LRP5: variants seen among roughly 807,000 people sequenced by gnomAD.
LRP5 encodes LDL receptor related protein 5, also known as low-density lipoprotein receptor-related protein 5.
A neutral mutation model predicts 154.1 loss-of-function variants in LRP5; 62 were observed. That is an observed-to-expected ratio of 0.40 (90% confidence interval 0.33 to 0.50). The LOEUF (loss-of-function observed/expected upper bound fraction) is 0.50, where lower values mean the gene tolerates loss of function less well. Ranked by LOEUF, LRP5 falls within the 20% of genes least tolerant of loss-of-function variation. LRP5 has a pLI of 0.55. For missense variants in LRP5, 1,915 were observed against 2,336.7 expected (o/e 0.82, Z 3.72); for synonymous variants, 966 against 1,011.5 (o/e 0.96, Z 0.85).
At chr11:68,441,524 A>T (rs576918238) in intron 21 of LRP5, among the ~76,000 whole-genome samples, 2 of 152,292 alleles carry the variant, frequency 1.3e-5, no homozygotes, top group South Asian at 4.1e-4. Flanking sequence ...GGGAACTGGT[A>T]ACCAGAAGCC....
intron 5 of LRP5, among the ~76,000 whole-genome samples, chr11:68,377,418 C>T (rs1041893670): frequency 6.6e-6 from 1 of 152,120 alleles, no homozygotes; most frequent in African/African-American, 2.4e-5. Flanking sequence ...AGGTCCCAGG[C>T]ACCGTGCAGG....
rs1162560935 is a variant in LRP5, at chr11:68,353,860, G to A, written c.489-3790G>A. ...GGGGCCCCTCCTGAGACTCGACTTC[G>A]TTGCAGTTTCAGCAATGCAGGTGGC... On this transcript the variant is annotated intron_variant, in intron 2 of 22. Transcript: ENST00000294304. This position sits in a 1 kb window ranked among gnomAD's most constrained non-coding sequence, Gnocchi z 4.5. 3.3e-5 allele frequency among the ~76,000 whole-genome samples: 5 copies of A among 152,316 alleles called. No homozygotes were observed. The South Asian group carries it at 6.2e-4, about 19-fold the overall frequency.
intron 9 of LRP5, among the ~76,000 whole-genome samples, chr11:68,409,073 A>AAAAAATATATATATATATATATATATAT (rs2098657548): frequency 6.8e-5 from 3 of 44,180 alleles, no homozygotes; most frequent in Non-Finnish European, 1.1e-4. Flanking sequence ...AAAAAAAAAA[A>AAAAAATATATATATATATATATATATAT]ATATATATAT....
intron 1 of LRP5, among the ~76,000 whole-genome samples, chr11:68,323,421 A>G (rs555423285): frequency 2.0e-5 from 3 of 146,676 alleles, no homozygotes; most frequent in Non-Finnish European, 4.5e-5. Flanking sequence ...TGCTTTTTAA[A>G]TTTATTTTGA....
At chr11:68,398,835 A>G (rs2098651030) in intron 7 of LRP5, among the ~76,000 whole-genome samples, 1 of 152,072 alleles carries the variant, frequency 6.6e-6, no homozygotes, top group African/African-American at 2.4e-5. Flanking sequence ...CCCAGGCTCA[A>G]GCGATCCTCC....
intron 15 of LRP5, 98 bp downstream of exon 15, chr11:68,425,390 G>A: frequency 7.8e-7 from 1 of 1,278,228 alleles, no homozygotes; most frequent in Non-Finnish European, 1.1e-6. Flanking sequence ...CGTGAGCCCA[G>A]TGCCGCGCCA....
At chr11:68,431,636 G>A (rs919447833) in intron 17 of LRP5, among the ~76,000 whole-genome samples, 4 of 152,184 alleles carry the variant, frequency 2.6e-5, no homozygotes, top group African/African-American at 9.7e-5. Context: ...CTCACACCTC[G>A]AGTTTGGCCG....
At chr11:68,301,509 G>A in the LRP5 span, among the ~76,000 whole-genome samples, 3 of 149,134 alleles carry the variant, frequency 2.0e-5, no homozygotes, top group Non-Finnish European at 4.5e-5. Flanking sequence ...TAAATGTGAT[G>A]TTGCCAACAG....
intron 1 of LRP5, among the ~76,000 whole-genome samples, chr11:68,341,780 A>G (rs2098609297): frequency 6.7e-6 from 1 of 150,210 alleles, no homozygotes. Context: ...CTCATGTAGC[A>G]TGCAGCCCCC....
At chr11:68,424,279 G>A (rs1322637857) in intron 14 of LRP5, among the ~76,000 whole-genome samples, 2 of 152,246 alleles carry the variant, frequency 1.3e-5, no homozygotes, top group African/African-American at 4.8e-5. Context: ...TGGGGGGCTG[G>A]CATGAAGACG....
Position 68,413,748 on chromosome 11 carries a change from A to T in LRP5, c.2563A>T (p.Ser855Cys). 6.2e-7 allele frequency: 1 copy of T among 1,613,836 alleles called. No homozygotes were observed. The highest frequency in any genetic ancestry group is 8.5e-7 in the Non-Finnish European group (1 of 1,179,976). Reference sequence around the variant, plus strand: ...GCACCCGTTCGGTCTGACGCAGTACAGCGATTATATCTACTGGACAGACTG... The same window carrying T: ...GCACCCGTTCGGTCTGACGCAGTACTGCGATTATATCTACTGGACAGACTG... ...LPHPFGLTQY[S>C]DYIYWTDWNL... The change falls in exon 12 of 23, where the codon AGC becomes TGC. Residue 855 changes from serine to cysteine, a missense_variant. Physicochemically the swap from Ser to Cys is moderately radical, Grantham distance 112 (BLOSUM62 -1). Transcript: ENST00000294304. This position sits in a 1 kb window ranked among gnomAD's most constrained non-coding sequence, Gnocchi z 5.1.
chr11:68,431,403 C>A (rs1451273471), intron 17 of LRP5, among the ~76,000 whole-genome samples: 1 of 151,968 alleles, frequency 6.6e-6, no homozygotes, highest in Non-Finnish European at 1.5e-5. Context: ...CCACGCCCGG[C>A]TAATTTTTGT....
chr11:68,405,077 G>A (rs2098654829), intron 8 of LRP5, among the ~76,000 whole-genome samples: 1 of 151,622 alleles, frequency 6.6e-6, no homozygotes, highest in Non-Finnish European at 1.5e-5. Context: ...AGAATTGCTT[G>A]AACCCAGGAG....
At chr11:68,396,161 G>T (rs1176648206) in intron 7 of LRP5, among the ~76,000 whole-genome samples, 1 of 152,172 alleles carries the variant, frequency 6.6e-6, no homozygotes, top group Non-Finnish European at 1.5e-5. Flanking sequence ...ACGGCTCCTT[G>T]AGGATGCAGT....
rs756560110 is a variant in LRP5, at chr11:68,433,655, T to C, written c.3817T>C (p.Cys1273Arg). ...TGCATGTGCCACAGGGGAGATCGAC[T>C]GTATCCCCGGGGCCTGGCGCTGTGA... ...QFACATGEID[C>R]IPGAWRCDGF... is the part of the protein sequence containing the mutation. Residue 1273 changes from cysteine (C) to arginine (R), a missense_variant, in exon 18 of 23, where the codon TGT becomes CGT. Around this residue, in one of 3 missense-constraint regions of LRP5, gnomAD observed 1,094 missense variants for 1,210.1 expected, o/e 0.90. Transcript: ENST00000294304. 1.2e-6 allele frequency: 2 copies of C among 1,613,506 alleles called. No individual in the cohort carries two copies.
intron 13 of LRP5, among the ~76,000 whole-genome samples, chr11:68,417,729 G>A (rs1051623709): frequency 3.9e-5 from 6 of 152,012 alleles, no homozygotes; most frequent in African/African-American, 1.4e-4. Flanking sequence ...GAGGTCAGGG[G>A]TTCGAGACCA....
Position 68,351,289 on chromosome 11 carries a change from CCCT to C in LRP5, c.488+3047_488+3049del, listed in dbSNP as rs1226509348. 6.6e-5 allele frequency among the ~76,000 whole-genome samples: 10 copies of C among 152,192 alleles called. No homozygotes were observed. The East Asian group carries it at 1.9e-3, about 30-fold the overall frequency. ...GCTGCCCTCCGAGTGGGCTAGCCAC[CCCT>C]GCAGCTGCCGGGGAGCCAGCTGACC... On this transcript the variant is annotated intron_variant, in intron 2 of 22. Coordinates refer to ENST00000294304, the MANE Select transcript of LRP5 (RefSeq NM_002335.4).
intron 2 of LRP5, among the ~76,000 whole-genome samples, chr11:68,355,268 G>A (rs2098622269): frequency 6.6e-6 from 1 of 152,202 alleles, no homozygotes; most frequent in African/African-American, 2.4e-5. Context: ...TCACTCTCAT[G>A]CCTGGCTTGG....
chr11:68,309,468 C>G (rs1358990194), upstream of LRP5, among the ~76,000 whole-genome samples: 1 of 151,892 alleles, frequency 6.6e-6, no homozygotes, highest in Admixed American at 6.6e-5. Context: ...CTCCTGACCT[C>G]GTGATCCACC....
Sources: gnomAD v4.1 joint callset for allele counts (sites outside exome capture counted in the v4.1 genomes callset) on GRCh38, gnomAD v4.1.1 for gene constraint, gnomAD v4.1.1 regional missense constraint, Gnocchi (gnomAD v3.1) non-coding constraint, MANE v1.5 for transcripts, NCBI Gene and HGNC (gene_info 2026-07-23, HGNC 2026-07-21) for gene names.